The following RNF185 variants were observed in gnomAD, a reference collection of about 807,000 sequenced individuals.
The protein encoded by RNF185 is ring finger protein 185.
RNF185 carries 13 observed loss-of-function variants against 24.9 expected under a neutral mutation model. That is an observed-to-expected ratio of 0.52 (90% CI 0.34 to 0.83). The LOEUF (loss-of-function observed/expected upper bound fraction) is 0.83, where lower values mean the gene tolerates loss of function less well. Among genes scored for constraint, RNF185 ranks in the 40% least tolerant of loss-of-function variants. RNF185 has a pLI of 0.01. For missense variants in RNF185, 184 were observed against 244.7 expected, an observed-to-expected ratio of 0.75 and a Z score of 1.65; for synonymous variants, 79 against 90.3, an observed-to-expected ratio of 0.88 and a Z score of 0.71.
At chr22:31,202,259 G>C (rs2048270256) in intron 6 of RNF185, among the ~76,000 whole-genome samples, 1 of 152,026 alleles carries the variant, frequency 6.6e-6, no homozygotes, top group Non-Finnish European at 1.5e-5. Context: ...CTATGAGGTG[G>C]GTGCCTTGAA....
chr22:31,184,504 T>C (rs1335713607), intron 1 of RNF185, among the ~76,000 whole-genome samples: 1 of 151,814 alleles, frequency 6.6e-6, no homozygotes, highest in African/African-American at 2.4e-5. Context: ...CCTCACTTCC[T>C]AGATGGGGTG....
rs116390189 is a variant in RNF185, at chr22:31,174,189, A to G, written c.-48-12858A>G. ...AGAAAAACAAAGGCTCAGAAAGAAA[A>G]TAACTTGTCTGAAATCACAGAATAA... On this transcript the variant is annotated intron_variant, in intron 1 of 6. Coordinates refer to ENST00000326132, the MANE Select transcript of RNF185 (RefSeq NM_152267.4). Among the ~76,000 whole-genome samples the G allele has an allele frequency of 7.6e-3, 1,158 of 152,304 alleles. 17 individuals are homozygous for G. The highest frequency in any genetic ancestry group is 0.026 in the African/African-American group (1,100 of 41,554).
At chr22:31,187,412 C>T in intron 2 of RNF185, 142 bp downstream of exon 2, 3 of 862,100 alleles carry the variant, frequency 3.5e-6, no homozygotes, top group Non-Finnish European at 3.6e-6. Context: ...AGTTCCCATC[C>T]CAGCTCTGCT....
At chr22:31,196,370 G>T (rs184993921) in intron 4 of RNF185, among the ~76,000 whole-genome samples, 4 of 152,264 alleles carry the variant, frequency 2.6e-5, no homozygotes. Context: ...CAAGGGTTGG[G>T]TCTGTCATCA....
At chr22:31,169,556 T>A (rs1349072541) in intron 1 of RNF185, among the ~76,000 whole-genome samples, 2 of 152,128 alleles carry the variant, frequency 1.3e-5, no homozygotes, top group Non-Finnish European at 2.9e-5. Flanking sequence ...TTTTTAATTT[T>A]TAGTTTTTTA....
intron 2 of RNF185, 121 bp from the exon 3 acceptor site, chr22:31,192,563 T>C: frequency 1.2e-6 from 1 of 828,242 alleles, no homozygotes; most frequent in East Asian, 2.4e-5. Context: ...AGTTTACTCC[T>C]GTTTTCTCAT....
At chr22:31,203,620 T>C (rs1257596557) in intron 6 of RNF185, among the ~76,000 whole-genome samples, 1 of 152,264 alleles carries the variant, frequency 6.6e-6, no homozygotes, top group Admixed American at 6.5e-5. Flanking sequence ...AAGAGTTTCC[T>C]GTTAATCACC....
intron 4 of RNF185, among the ~76,000 whole-genome samples, chr22:31,196,650 C>T (rs1025755412): frequency 6.6e-6 from 1 of 152,192 alleles, no homozygotes; most frequent in African/African-American, 2.4e-5. Flanking sequence ...GGCCATGATT[C>T]CTAACCGATC....
At chr22:31,179,800 A>G (rs948069177) in intron 1 of RNF185, among the ~76,000 whole-genome samples, 16 of 152,088 alleles carry the variant, frequency 1.1e-4, no homozygotes, top group African/African-American at 2.9e-4. Context: ...TGGGCCATGC[A>G]CAGCTTTGTT....
chr22:31,175,036 G>A (rs2047967837), intron 1 of RNF185, among the ~76,000 whole-genome samples: 2 of 149,844 alleles, frequency 1.3e-5, no homozygotes, highest in Non-Finnish European at 2.9e-5. Context: ...TCGCGCCGTT[G>A]CACTTCAGTT....
intron 1 of RNF185, among the ~76,000 whole-genome samples, chr22:31,182,596 A>G (rs1338132775): frequency 6.6e-6 from 1 of 152,034 alleles, no homozygotes; most frequent in Non-Finnish European, 1.5e-5. Context: ...CACCATGCCC[A>G]GCCAACAATA....
At chr22:31,189,280 CTTTTTTTTTTTTTTT>C (rs1050842065) in intron 2 of RNF185, among the ~76,000 whole-genome samples, 1 of 61,518 alleles carries the variant, frequency 1.6e-5, no homozygotes, top group African/African-American at 6.6e-5. Context: ...TGTTGTATAT[CTTTTTTTTTTTTTTT>C]TTTTTTTTTT....
At chr22:31,192,559 C>T in intron 2 of RNF185, 125 bp from the exon 3 acceptor site, 4 of 799,992 alleles carry the variant, frequency 5.0e-6, no homozygotes, top group Non-Finnish European at 6.6e-6. Context: ...CCATAGTTTA[C>T]TCCTGTTTTC....
chr22:31,178,989 A>G (rs1263933601), intron 1 of RNF185, among the ~76,000 whole-genome samples: 2 of 152,192 alleles, frequency 1.3e-5, no homozygotes, highest in Non-Finnish European at 2.9e-5. Context: ...GCAGTCCTCT[A>G]ATGTCCCTGG....
chr22:31,168,691 C>T (rs574946511), intron 1 of RNF185, among the ~76,000 whole-genome samples: 1 of 152,280 alleles, frequency 6.6e-6, no homozygotes, highest in African/African-American at 2.4e-5. Flanking sequence ...CAACAGAGCA[C>T]AGGGGTTCTA....
Position 31,201,514 on chromosome 22 carries a change from G to A in RNF185, c.380G>A (p.Gly127Glu). The A allele has an allele frequency of 6.2e-7, 1 of 1,611,722 alleles. No homozygotes were observed. Among genetic ancestry groups the A allele is most frequent in the South Asian group, 1.1e-5 (1 of 90,988 alleles). ...PENRGGFQGF[G>E]FGDGGFQMSF... ...TCCACACAGGGATTTCAAGGATTTG[G>A]ATTTGGAGATGGTGGCTTCCAGATG... The change falls in exon 6 of 7, where the codon GGA (glycine) becomes GAA (glutamate). Residue 127 changes from glycine (G) to glutamate (E), a missense_variant. By Grantham distance (98) the Gly-to-Glu change is moderately conservative (BLOSUM62 -2). Coordinates refer to ENST00000326132, the MANE Select transcript of RNF185 (RefSeq NM_152267.4).
At chr22:31,164,381 T>C (rs1474983145) in intron 1 of RNF185, among the ~76,000 whole-genome samples, 1 of 152,224 alleles carries the variant, frequency 6.6e-6, no homozygotes, top group Non-Finnish European at 1.5e-5. Flanking sequence ...GTCAAAACTG[T>C]ACATAATTAT....
intron 1 of RNF185, among the ~76,000 whole-genome samples, chr22:31,179,879 C>G (rs1011707087): frequency 6.6e-6 from 1 of 152,322 alleles, no homozygotes; most frequent in South Asian, 2.1e-4. Context: ...CCAACAGCAA[C>G]AGCCCTGTCC....
chr22:31,205,769 G>A lies in RNF185; in HGVS notation c.*1183G>A, dbSNP rs916949948. 5 of 152,294 alleles carry A rather than the reference G, an allele frequency of 3.3e-5. No individual in the cohort carries two copies. The highest frequency in any genetic ancestry group is 1.2e-4 in the African/African-American group (5 of 41,470). The allele number at this position is 152,294 out of a possible 1,614,324, so 9.4% of individuals were successfully genotyped here. ...CAGGCAACCCCTGATGATTTGTAAA[G>A]CCAGGTGGCAGGGCCTTGGGGAGCC... On this transcript the variant is annotated 3_prime_UTR_variant, in exon 7 of 7. Transcript: ENST00000326132.
Sources: allele counts gnomAD v4.1 joint callset (sites outside exome capture counted in the v4.1 genomes callset), GRCh38; gene constraint gnomAD v4.1.1; transcripts MANE v1.5; gene names NCBI Gene and HGNC (gene_info 2026-07-23, HGNC 2026-07-21).